Variants in GPC6 observed in about 807,000 individuals in gnomAD.
GPC6 encodes the protein glypican 6.
Under a neutral mutation model 55.2 loss-of-function variants are expected in GPC6, and 14 were observed. The ratio of observed to expected loss-of-function variants is 0.25; its 90% confidence interval spans 0.17 to 0.40. The LOEUF (loss-of-function observed/expected upper bound fraction) is 0.40, where lower values mean the gene tolerates loss of function less well. Ranked by LOEUF, GPC6 falls within the 10% of genes least tolerant of loss-of-function variation. The pLI is 1.00. For missense variants in GPC6, 641 were observed against 708.5 expected (o/e 0.90, Z 1.08); for synonymous variants, 278 against 259.6 (o/e 1.07, Z -0.68).
At chr13:93,397,927 G>T (rs1016516726) in intron 1 of GPC6, among the ~76,000 whole-genome samples, 1 of 152,152 alleles carries the variant, frequency 6.6e-6, no homozygotes, top group African/African-American at 2.4e-5. Flanking sequence ...AACACTGTAA[G>T]ATGCTGCTAA....
At chr13:94,122,372 C>G (rs1227996149) in intron 4 of GPC6, among the ~76,000 whole-genome samples, 3 of 152,074 alleles carry the variant, frequency 2.0e-5, no homozygotes, top group Admixed American at 1.3e-4. Context: ...TCCAGTCTGA[C>G]TGCGTTTCAA....
intron 1 of GPC6, among the ~76,000 whole-genome samples, chr13:93,280,030 G>C (rs996686873): frequency 3.9e-5 from 6 of 152,178 alleles, no homozygotes; most frequent in African/African-American, 1.4e-4. Context: ...TGCTTGGTCT[G>C]TGTTAGAGGG....
intron 2 of GPC6, among the ~76,000 whole-genome samples, chr13:93,815,082 C>T (rs1220883144): frequency 1.3e-5 from 2 of 151,968 alleles, no homozygotes; most frequent in South Asian, 2.1e-4. Flanking sequence ...CTATATTTTG[C>T]AGAAATTACC....
chr13:93,571,676 T>G lies in GPC6; in HGVS notation c.319+26255T>G, dbSNP rs530791187. Among the ~76,000 whole-genome samples, 5 of 152,322 alleles carry G rather than the reference T, an allele frequency of 3.3e-5. No homozygotes were observed. In the East Asian group the frequency reaches 7.7e-4, roughly 24 times the overall value. ...AGAGATGCAGACTCTAATTGCTGAT[T>G]AACACATTGTTTTTCTCTAAGCCCT... On this transcript the variant is annotated intron_variant, in intron 2 of 8. Coordinates refer to ENST00000377047, the MANE Select transcript of GPC6 (RefSeq NM_005708.5).
Position 94,190,696 on chromosome 13 carries a change from G to A in GPC6, c.878-95653G>A, listed in dbSNP as rs1025753431. ...TAAAGTTAATAACTGCAGTATGGGT[G>A]TGTAAGAGGTTATCCTTGTTCCTAG... On this transcript the variant is annotated intron_variant, in intron 4 of 8. Transcript: ENST00000377047. 1.1e-4 allele frequency among the ~76,000 whole-genome samples: 17 copies of A among 152,172 alleles called. 1 individual carries two copies. Among genetic ancestry groups the A allele is most frequent in the Admixed American group, 6.5e-5 (1 of 15,284 alleles).
chr13:93,539,751 A>G (rs1185188728), intron 1 of GPC6, among the ~76,000 whole-genome samples: 3 of 149,748 alleles, frequency 2.0e-5, no homozygotes, highest in Non-Finnish European at 4.4e-5. Flanking sequence ...GAGTGCAATG[A>G]CGTGACCTCA....
intron 2 of GPC6, among the ~76,000 whole-genome samples, chr13:93,594,984 A>G (rs527818458): frequency 1.3e-5 from 2 of 152,216 alleles, no homozygotes; most frequent in South Asian, 4.1e-4. Context: ...AGGGAATACA[A>G]ACATTCAGAC....
Position 94,382,413 on chromosome 13 carries a change from G to C in GPC6, c.1153-1G>C. ...CTTGCTTTCCTTGGTTTCTTGATCA[G>C]GTCACAGACATAAAAGAGAAATTGA... On this transcript the variant is annotated splice_acceptor_variant, in intron 6 of 8. Transcript: ENST00000377047. LOFTEE classifies it high-confidence loss of function. 2 of 1,614,086 alleles carry C rather than the reference G, an allele frequency of 1.2e-6. No individual in the cohort carries two copies. The highest frequency in any genetic ancestry group is 1.7e-6 in the Non-Finnish European group (2 of 1,179,964).
intron 4 of GPC6, among the ~76,000 whole-genome samples, chr13:94,204,909 C>A (rs1308024470): frequency 6.6e-6 from 1 of 152,010 alleles, no homozygotes; most frequent in Non-Finnish European, 1.5e-5. Context: ...AATGTATGAG[C>A]CACAACATAA....
intron 1 of GPC6, among the ~76,000 whole-genome samples, chr13:93,275,035 C>T (rs1877678505): frequency 6.6e-6 from 1 of 152,064 alleles, no homozygotes; most frequent in Non-Finnish European, 1.5e-5. Flanking sequence ...GTGCATATTC[C>T]AGCCTACTGA....
intron 1 of GPC6, among the ~76,000 whole-genome samples, chr13:93,346,742 A>T (rs1187778181): frequency 6.6e-6 from 1 of 152,208 alleles, no homozygotes; most frequent in African/African-American, 2.4e-5. Context: ...TGAATCTACC[A>T]TAAGTTTTCT....
At chr13:93,758,138 A>C (rs763582637) in intron 2 of GPC6, among the ~76,000 whole-genome samples, 1 of 152,214 alleles carries the variant, frequency 6.6e-6, no homozygotes, top group Non-Finnish European at 1.5e-5. Context: ...TGGAATTGCC[A>C]ATCTGCTCAC....
At chr13:93,446,714 A>G (rs1174802035) in intron 1 of GPC6, among the ~76,000 whole-genome samples, 1 of 152,206 alleles carries the variant, frequency 6.6e-6, no homozygotes, top group Non-Finnish European at 1.5e-5. Context: ...ACTGAAAGAT[A>G]TGTAGAAATT....
At chr13:94,209,486 T>G (rs951364210) in intron 4 of GPC6, among the ~76,000 whole-genome samples, 1 of 152,210 alleles carries the variant, frequency 6.6e-6, no homozygotes, top group Admixed American at 6.5e-5. Context: ...GTCATATTGA[T>G]CTGCAACCAG....
chr13:93,324,589 T>TATATATATACACACATACATAC (rs1566299599), intron 1 of GPC6, among the ~76,000 whole-genome samples: 5 of 101,340 alleles, frequency 4.9e-5, no homozygotes, highest in African/African-American at 2.5e-4. Flanking sequence ...CATACATACA[T>TATATATATACACACATACATAC]ATATATATAT....
intron 1 of GPC6, among the ~76,000 whole-genome samples, chr13:93,324,507 A>G (rs995357804): frequency 1.4e-5 from 2 of 142,020 alleles, no homozygotes; most frequent in Non-Finnish European, 3.0e-5. Flanking sequence ...ATTATGTATT[A>G]CATGCTTGTA....
chr13:93,488,371 G>C lies in GPC6; in HGVS notation c.161-56892G>C, dbSNP rs191128760. On this transcript the variant is annotated intron_variant, in intron 1 of 8. Coordinates refer to ENST00000377047, the MANE Select transcript of GPC6 (RefSeq NM_005708.5). ...CATTTTCTTAATCTAGTCTATCATT[G>C]ATGGACATTTGGGTTGGATCCAAGT... 2.6e-5 allele frequency among the ~76,000 whole-genome samples: 4 copies of C among 152,242 alleles called. No individual in the cohort carries two copies. The East Asian group carries it at 7.7e-4, about 29-fold the overall frequency.
intron 5 of GPC6, among the ~76,000 whole-genome samples, chr13:94,289,936 A>G (rs569424024): frequency 6.6e-6 from 1 of 152,328 alleles, no homozygotes; most frequent in South Asian, 2.1e-4. Flanking sequence ...AGGGGCCCCC[A>G]TGACCACTTT....
At chr13:93,386,797 C>G (rs1454442841) in intron 1 of GPC6, among the ~76,000 whole-genome samples, 1 of 152,182 alleles carries the variant, frequency 6.6e-6, no homozygotes, top group Non-Finnish European at 1.5e-5. Context: ...TGAGTTCCCT[C>G]CAGAGGCTCT....
Sources: gnomAD v4.1 joint callset for allele counts (sites outside exome capture counted in the v4.1 genomes callset) on GRCh38, gnomAD v4.1.1 for gene constraint, MANE v1.5 for transcripts, NCBI Gene and HGNC (gene_info 2026-07-23, HGNC 2026-07-21) for gene names.